SYNE1: variants seen among roughly 807,000 people sequenced by gnomAD.
SYNE1 encodes the protein nesprin-1.
Under a neutral mutation model 1,111.0 loss-of-function variants are expected in SYNE1, and 616 were observed. The ratio of observed to expected loss-of-function variants is 0.55; its 90% CI spans 0.52 to 0.59. The LOEUF (loss-of-function observed/expected upper bound fraction) is 0.59, where lower values mean the gene tolerates loss of function less well. SYNE1 is among the 20% of genes least tolerant of loss of function. The probability of loss-of-function intolerance (pLI) is 0.00; values close to 1 mark genes in which losing one functional copy is unlikely to be tolerated. For missense variants in SYNE1, 10,006 were observed against 10,417.0 expected, an observed-to-expected ratio of 0.96 and a Z score of 1.72; for synonymous variants, 3,855 against 3,825.8, an observed-to-expected ratio of 1.01 and a Z score of -0.28.
intron 32 of SYNE1, among the ~76,000 whole-genome samples, chr6:152,440,891 T>C (rs1353904924): frequency 1.3e-5 from 2 of 152,178 alleles, no homozygotes; most frequent in East Asian, 3.9e-4. Context: ...AAAAACTCTA[T>C]ACACATCTAT....
chr6:152,283,890 G>A, intron 96 of SYNE1, 88 bp downstream of exon 96: 4 of 1,119,108 alleles, frequency 3.6e-6, no homozygotes, highest in Non-Finnish European at 5.4e-6. Context: ...CAATGAAAAT[G>A]TAAATACGTA....
At chr6:152,125,530 A>C in intron 145 of SYNE1, 1 of 781,544 alleles carries the variant, frequency 1.3e-6, no homozygotes, top group Non-Finnish European at 1.8e-6. Flanking sequence ...GAAGGATAGG[A>C]TAGCTACCCA....
At chr6:152,216,607 C>T (rs2078733022) in intron 121 of SYNE1, among the ~76,000 whole-genome samples, 1 of 152,066 alleles carries the variant, frequency 6.6e-6, no homozygotes, top group South Asian at 2.1e-4. Flanking sequence ...GAATAAGATC[C>T]TCAGGAAAGG....
intron 34 of SYNE1, among the ~76,000 whole-genome samples, chr6:152,431,693 A>G (rs2098430867): frequency 6.6e-6 from 1 of 152,204 alleles, no homozygotes; most frequent in Admixed American, 6.5e-5. Context: ...TAGGAAAAAA[A>G]TAAAGTTTTG....
intron 3 of SYNE1, among the ~76,000 whole-genome samples, chr6:152,548,918 C>T (rs541088974): frequency 2.0e-5 from 3 of 152,242 alleles, no homozygotes; most frequent in Admixed American, 1.3e-4. Flanking sequence ...CTTAAGAGGT[C>T]GTGAAGTTTC....
At position 152,391,301 on chromosome 6, in the gene SYNE1, C is replaced by T. The variant is rs2097622372; in HGVS notation, c.7980G>A (p.Leu2660=). 1 of 1,614,058 alleles carries T rather than the reference C, an allele frequency of 6.2e-7. No individual in the cohort carries two copies. Among genetic ancestry groups the T allele is most frequent in the Non-Finnish European group, 8.5e-7 (1 of 1,179,996 alleles). The change falls in exon 52 of 146, where the codon CTG becomes CTA. Residue 2660 remains leucine (L), a synonymous_variant. Transcript: ENST00000367255. ...CCTGTATTTGTGACAGCCGTTTCTC[C>T]AGGGTGTCTTTGCTCCCAAGAGTGC... ...AESTLGSKDT[L]EKRLSQIQDI...
chr6:152,215,113 C>G (rs1442466096), intron 121 of SYNE1, 53 bp from the exon 122 acceptor site: 9 of 1,605,990 alleles, frequency 5.6e-6, no homozygotes, highest in Non-Finnish European at 6.8e-6. Flanking sequence ...AAAGTCAAAA[C>G]TTTTTCAAAG....
chr6:152,280,292 C>G (rs1047771687), intron 97 of SYNE1, among the ~76,000 whole-genome samples: 1 of 152,126 alleles, frequency 6.6e-6, no homozygotes, highest in African/African-American at 2.4e-5. Flanking sequence ...TTTTTAAAAA[C>G]TATTTTCTGG....
chr6:152,321,976 T>C (rs1385609799), intron 82 of SYNE1, 90 bp from the exon 83 acceptor site: 3 of 1,401,072 alleles, frequency 2.1e-6, no homozygotes, highest in East Asian at 2.3e-5. Context: ...TATATAGAAA[T>C]GGGAAACCTA....
chr6:152,433,661 T>C (rs538137005), intron 34 of SYNE1, 134 bp downstream of exon 34: 36 of 1,051,152 alleles, frequency 3.4e-5, no homozygotes, highest in Admixed American at 2.5e-4. Context: ...CTTGATAAAA[T>C]GTATGAATTT....
chr6:152,392,054 G>A (rs763350126), intron 51 of SYNE1, among the ~76,000 whole-genome samples: 6 of 152,044 alleles, frequency 3.9e-5, no homozygotes, highest in Admixed American at 6.5e-5. Context: ...AAAGCTCGGC[G>A]CAGGCATCAC....
At chr6:152,579,794 T>C (rs936193269) in intron 3 of SYNE1, among the ~76,000 whole-genome samples, 15 of 152,210 alleles carry the variant, frequency 9.9e-5, no homozygotes, top group Admixed American at 6.5e-5. Context: ...TTTTCCTGTG[T>C]TAATTCGCTT....
chr6:152,236,817 C>T lies in SYNE1; in HGVS notation c.20199G>A (p.Gln6733=). The T allele has an allele frequency of 6.2e-7, 1 of 1,614,112 alleles. No homozygotes were observed. The highest frequency in any genetic ancestry group is 8.5e-7 in the Non-Finnish European group (1 of 1,179,994). Residue 6733 remains glutamine, a splice_region_variant and synonymous_variant, in exon 109 of 146, where the codon CAG becomes CAA. Transcript: ENST00000367255. ...DRLIDRITLY[Q]HLKSSLNEYQ... ...CAATGTGGCGGCTTGTAACACCAAC[C>T]TGGTAGAGTGTTATGCGGTCAATAA...
intron 3 of SYNE1, among the ~76,000 whole-genome samples, chr6:152,608,303 T>A (rs1384868812): frequency 1.3e-5 from 2 of 152,236 alleles, no homozygotes. Flanking sequence ...ATTTAGTGAC[T>A]ATTCACCTCA....
intron 19 of SYNE1, 108 bp from the exon 20 acceptor site, chr6:152,462,998 A>G (rs887261579): frequency 7.5e-7 from 1 of 1,337,430 alleles, no homozygotes; most frequent in Admixed American, 1.8e-5. Context: ...CCGGTAAGAA[A>G]GACTCTAATC....
intron 14 of SYNE1, among the ~76,000 whole-genome samples, chr6:152,476,650 C>T (rs2098836422): frequency 6.6e-6 from 1 of 152,156 alleles, no homozygotes; most frequent in Non-Finnish European, 1.5e-5. Context: ...GGGCAGATCA[C>T]TTGCACCCAG....
At position 152,326,378 on chromosome 6, in the gene SYNE1, G is replaced by C. The variant is rs1280830569; in HGVS notation, c.15211C>G (p.Leu5071Val). ...TCCAGAGAAGCCACTTTCTGTTCTA[G>C]GTCTTCTTTGCCGGTTGGCTTGATG... ...PLIKPTGKED[L>V]EQKVASLELR... is the part of the protein sequence containing the mutation. Residue 5071 changes from leucine (L) to valine (V), a missense_variant, in exon 79 of 146, where the codon CTA (leucine) becomes GTA (valine). Coordinates refer to ENST00000367255, the MANE Select transcript of SYNE1 (RefSeq NM_182961.4). 3 of 1,614,160 alleles carry C rather than the reference G, an allele frequency of 1.9e-6. No homozygotes were observed. The South Asian group carries it at 3.3e-5, about 18-fold the overall frequency.
chr6:152,263,882 T>C (rs948336282), intron 100 of SYNE1, among the ~76,000 whole-genome samples: 1 of 151,786 alleles, frequency 6.6e-6, no homozygotes, highest in Non-Finnish European at 1.5e-5. Context: ...CCTATAACCC[T>C]ATCTGGGAAA....
At chr6:152,198,353 T>C (rs2074615333) in intron 127 of SYNE1, among the ~76,000 whole-genome samples, 1 of 152,236 alleles carries the variant, frequency 6.6e-6, no homozygotes, top group Non-Finnish European at 1.5e-5. Context: ...AGGAATGTTG[T>C]GGCTGGTTGG....
Sources: gnomAD v4.1 joint callset for allele counts (sites outside exome capture counted in the v4.1 genomes callset) on GRCh38, gnomAD v4.1.1 for gene constraint, MANE v1.5 for transcripts, NCBI Gene and HGNC (gene_info 2026-07-23, HGNC 2026-07-21) for gene names.